Variants in PLPPR5 observed in about 807,000 individuals in gnomAD.
PLPPR5 encodes phospholipid phosphatase-related protein type 5.
A neutral mutation model predicts 33.9 loss-of-function variants in PLPPR5; 16 were observed. That is an observed-to-expected ratio of 0.47 (90% confidence interval 0.32 to 0.72). The LOEUF is 0.72. PLPPR5 is among the 30% of genes least tolerant of loss of function. The probability of loss-of-function intolerance (pLI) is 0.03; values close to 1 mark genes in which losing one functional copy is unlikely to be tolerated. For synonymous variants in PLPPR5, 163 were observed against 150.3 expected (o/e 1.08, Z -0.62); for missense variants, 301 against 406.7 (o/e 0.74, Z 2.23).
chr1:98,984,119 C>A (rs1652162620), intron 1 of PLPPR5, among the ~76,000 whole-genome samples: 1 of 151,902 alleles, frequency 6.6e-6, no homozygotes, highest in Non-Finnish European at 1.5e-5. Context: ...GACTGGTGGG[C>A]TCAGTTCAGG....
At chr1:98,970,938 T>G (rs1027046203) in intron 1 of PLPPR5, among the ~76,000 whole-genome samples, 2 of 152,154 alleles carry the variant, frequency 1.3e-5, no homozygotes, top group Admixed American at 6.6e-5. Flanking sequence ...TTATCTGAAC[T>G]TCTGCACTTA....
chr1:98,906,295 A>T (rs1380083215), intron 5 of PLPPR5, among the ~76,000 whole-genome samples: 1 of 151,114 alleles, frequency 6.6e-6, no homozygotes, highest in African/African-American at 2.4e-5. Flanking sequence ...ATACATATAT[A>T]TGTATATATA....
chr1:98,985,283 A>G (rs1241794747), intron 1 of PLPPR5, among the ~76,000 whole-genome samples: 1 of 152,044 alleles, frequency 6.6e-6, no homozygotes, highest in Non-Finnish European at 1.5e-5. Flanking sequence ...GGAATTCAGA[A>G]AGCTCCACCT....
intron 1 of PLPPR5, among the ~76,000 whole-genome samples, chr1:98,984,925 A>G (rs1652199121): frequency 6.6e-6 from 1 of 152,076 alleles, no homozygotes; most frequent in Non-Finnish European, 1.5e-5. Flanking sequence ...CTAGCTAACT[A>G]AATTTGTCTC....
chr1:98,915,690 A>G (rs1649319084), intron 4 of PLPPR5, among the ~76,000 whole-genome samples: 1 of 152,196 alleles, frequency 6.6e-6, no homozygotes, highest in Non-Finnish European at 1.5e-5. Context: ...AGAGGTTCTC[A>G]TCCTTAATGT....
chr1:98,917,327 A>G (rs1244582117), intron 4 of PLPPR5, among the ~76,000 whole-genome samples: 3 of 152,196 alleles, frequency 2.0e-5, no homozygotes, highest in Non-Finnish European at 4.4e-5. Context: ...CACCAACTCC[A>G]AAAACGAAGC....
At chr1:98,912,048 C>G (rs1032013393) in intron 5 of PLPPR5, among the ~76,000 whole-genome samples, 13 of 152,330 alleles carry the variant, frequency 8.5e-5, no homozygotes, top group Admixed American at 7.8e-4. Context: ...GGATTACAAG[C>G]ATGAACCACT....
chr1:98,908,800 A>G (rs960385245), intron 5 of PLPPR5, among the ~76,000 whole-genome samples: 1 of 152,188 alleles, frequency 6.6e-6, no homozygotes, highest in African/African-American at 2.4e-5. Context: ...CAAGATTTCC[A>G]TGCACAATTT....
rs1570751520 is a variant in PLPPR5, at chr1:98,979,520, T to C, written c.238-22779A>G. On this transcript the variant is annotated intron_variant, in intron 1 of 5. Transcript: ENST00000263177. ...TATATGAATGCTAGGATGAATGTTCTGCACTTAGCTTCTGTATTAGCAAAT... is the reference window on the plus strand; with the variant it reads ...TATATGAATGCTAGGATGAATGTTCCGCACTTAGCTTCTGTATTAGCAAAT... 2.0e-5 allele frequency among the ~76,000 whole-genome samples: 3 copies of C among 152,150 alleles called. No individual in the cohort carries two copies. The South Asian group carries it at 6.2e-4, about 31-fold the overall frequency.
intron 1 of PLPPR5, among the ~76,000 whole-genome samples, chr1:98,962,395 T>A (rs1651279960): frequency 6.6e-6 from 1 of 152,230 alleles, no homozygotes; most frequent in African/African-American, 2.4e-5. Context: ...ATAGTCACCA[T>A]GTTGCACAAG....
In PLPPR5 at chr1:98,901,579, C is replaced by G. The variant is rs555299833; in HGVS notation, c.934-8475G>C. ...GTTTTATCATCTGGTTGTTTCAGTA[C>G]GAAAGAAAAATACAAAATAAGTTTA... On this transcript the variant is annotated intron_variant, in intron 5 of 5. Coordinates refer to ENST00000263177, the MANE Select transcript of PLPPR5 (RefSeq NM_001037317.2). 2.6e-5 allele frequency among the ~76,000 whole-genome samples: 4 copies of G among 151,598 alleles called. No individual in the cohort carries two copies. In the East Asian group the frequency reaches 7.8e-4, roughly 29 times the overall value.
At chr1:98,956,790 A>C (rs1651026546) in intron 1 of PLPPR5, 49 bp from the exon 2 acceptor site, 1 of 1,366,034 alleles carries the variant, frequency 7.3e-7, no homozygotes. Context: ...AACCAGTATA[A>C]ATGTAAAATA....
intron 5 of PLPPR5, among the ~76,000 whole-genome samples, chr1:98,898,503 A>G (rs545200105): frequency 1.3e-5 from 2 of 152,294 alleles, no homozygotes; most frequent in South Asian, 4.1e-4. Flanking sequence ...AGCAAAGTAC[A>G]TGGAGTATGT....
chr1:98,933,482 CAAA>C (rs66504258), intron 3 of PLPPR5, among the ~76,000 whole-genome samples: 2 of 89,326 alleles, frequency 2.2e-5, no homozygotes, highest in Non-Finnish European at 4.5e-5. Flanking sequence ...GACTCCGTCT[CAAA>C]AAAAAAAAAA....
chr1:98,913,465 T>C (rs1649229204), intron 5 of PLPPR5, among the ~76,000 whole-genome samples: 1 of 152,194 alleles, frequency 6.6e-6, no homozygotes, highest in South Asian at 2.1e-4. Context: ...GGCAGCCTTA[T>C]CATGCTGTTG....
rs1235949806 is a variant in PLPPR5 at position 99,004,692 on chromosome 1, C to T, written c.-21G>A. ...GGCATGCACGCCTCCCGGGCCGGGC[C>T]GAGCCGAGCCGAGCGGGCGGTCGAC... is the stretch of plus-strand genomic sequence containing the variant. On this transcript the variant is annotated 5_prime_UTR_variant, in exon 1 of 6. Transcript: ENST00000263177. The T allele has an allele frequency of 6.8e-7, 1 of 1,476,336 alleles. No individual in the cohort carries two copies. Among genetic ancestry groups the T allele is most frequent in the South Asian group, 1.4e-5 (1 of 73,188 alleles). The allele number at this position is 1,476,336 out of a possible 1,614,324, so 91.5% of individuals were successfully genotyped here.
chr1:98,959,817 T>C (rs985430864), intron 1 of PLPPR5, among the ~76,000 whole-genome samples: 2 of 152,158 alleles, frequency 1.3e-5, no homozygotes, highest in Non-Finnish European at 2.9e-5. Flanking sequence ...AGAAGGTATG[T>C]TATGGTACAT....
intron 4 of PLPPR5, 121 bp from the exon 5 acceptor site, chr1:98,915,041 C>A (rs773437841): frequency 3.6e-6 from 3 of 825,806 alleles, no homozygotes; most frequent in South Asian, 2.2e-5. Context: ...AAATGTTACA[C>A]GTATATGAAT....
intron 1 of PLPPR5, among the ~76,000 whole-genome samples, chr1:98,977,191 T>C (rs939642824): frequency 6.6e-6 from 1 of 152,050 alleles, no homozygotes; most frequent in Non-Finnish European, 1.5e-5. Context: ...GGGCATACAT[T>C]TGTGGATGGA....
Sources: gnomAD v4.1 joint callset for allele counts (sites outside exome capture counted in the v4.1 genomes callset) on GRCh38, gnomAD v4.1.1 for gene constraint, MANE v1.5 for transcripts, NCBI Gene and HGNC (gene_info 2026-07-23, HGNC 2026-07-21) for gene names.